NPAS3: variants seen among roughly 807,000 people sequenced by gnomAD.
NPAS3 encodes neuronal PAS domain protein 3, also known as neuronal PAS domain-containing protein 3.
NPAS3 carries 14 observed loss-of-function variants against 73.1 expected under a neutral mutation model. The ratio of observed to expected loss-of-function variants is 0.19; its 90% CI spans 0.13 to 0.30. The LOEUF is 0.30. Ranked by LOEUF, NPAS3 falls within the 10% of genes least tolerant of loss-of-function variation. The pLI, the probability that NPAS3 is intolerant of heterozygous loss-of-function variation, is 1.00. For missense variants in NPAS3, 1,096 were observed against 1,250.0 expected, an observed-to-expected ratio of 0.88 and a Z score of 1.86; for synonymous variants, 620 against 541.5, an observed-to-expected ratio of 1.14 and a Z score of -2.01.
intron 1 of NPAS3, among the ~76,000 whole-genome samples, chr14:33,050,600 G>A (rs1323777331): frequency 6.6e-6 from 1 of 152,166 alleles, no homozygotes; most frequent in African/African-American, 2.4e-5. Context: ...TCTGATAAAT[G>A]TTATATTAAT....
chr14:33,545,161 A>C (rs936260770), intron 4 of NPAS3, among the ~76,000 whole-genome samples: 1 of 152,040 alleles, frequency 6.6e-6, no homozygotes. Flanking sequence ...ATTTTTGACT[A>C]TGATGAAACC....
At chr14:33,050,673 C>A (rs2040672187) in intron 1 of NPAS3, among the ~76,000 whole-genome samples, 1 of 152,218 alleles carries the variant, frequency 6.6e-6, no homozygotes, top group Non-Finnish European at 1.5e-5. Flanking sequence ...CATAGCCTAT[C>A]TACAAGAAGA....
intron 1 of NPAS3, among the ~76,000 whole-genome samples, chr14:32,957,890 T>A (rs2036745730): frequency 6.6e-6 from 1 of 152,202 alleles, no homozygotes; most frequent in African/African-American, 2.4e-5. Flanking sequence ...TCATTATCTC[T>A]GAGATTTTTA....
chr14:33,575,868 TG>T (rs2056412748), intron 5 of NPAS3, among the ~76,000 whole-genome samples: 1 of 152,208 alleles, frequency 6.6e-6, no homozygotes, highest in South Asian at 2.1e-4. Context: ...GTATCAATAC[TG>T]CTTTTCGTTT....
chr14:33,471,514 T>C (rs1366817066), intron 4 of NPAS3, among the ~76,000 whole-genome samples: 1 of 152,146 alleles, frequency 6.6e-6, no homozygotes, highest in Non-Finnish European at 1.5e-5. Context: ...CCCTGGCTCT[T>C]TTACCCATTA....
In NPAS3 at chr14:33,539,823, G is replaced by A. The variant is rs989211596; in HGVS notation, c.469-20298G>A. On this transcript the variant is annotated intron_variant, in intron 4 of 11. Transcript: ENST00000356141. ...TCTTAATATTATGCAGGCTAATAAGGTCACTGTTTGGGGGGTTTGTCTTTG... is the reference window on the plus strand; with the variant it reads ...TCTTAATATTATGCAGGCTAATAAGATCACTGTTTGGGGGGTTTGTCTTTG... Among the ~76,000 whole-genome samples, 9 of 152,038 alleles carry A rather than the reference G, an allele frequency of 5.9e-5. No homozygotes were observed. The East Asian group carries it at 1.7e-3, about 29-fold the overall frequency.
chr14:33,509,141 T>C (rs1421088280), intron 4 of NPAS3, among the ~76,000 whole-genome samples: 1 of 151,998 alleles, frequency 6.6e-6, no homozygotes, highest in African/African-American at 2.4e-5. Flanking sequence ...ATTAGCATTA[T>C]GATTTCTGTT....
In NPAS3 at chr14:33,547,224, C is replaced by T. The variant is rs141584143; in HGVS notation, c.469-12897C>T. 5.2e-3 allele frequency among the ~76,000 whole-genome samples: 788 copies of T among 152,242 alleles called. 7 individuals carry two copies. Among genetic ancestry groups the T allele is most frequent in the Non-Finnish European group, 8.8e-3 (596 of 68,026 alleles). On this transcript the variant is annotated intron_variant, in intron 4 of 11. Coordinates refer to ENST00000356141, the Ensembl canonical transcript of NPAS3. ...GGGGAAGTCACTTTTCAGGCTGTGA[C>T]ACATTTAAGTAGAAATTAAAGTAGG... is the stretch of plus-strand genomic sequence containing the variant.
intron 2 of NPAS3, among the ~76,000 whole-genome samples, chr14:33,119,526 T>C (rs1456636684): frequency 6.6e-6 from 1 of 152,106 alleles, no homozygotes; most frequent in Non-Finnish European, 1.5e-5. Flanking sequence ...TGTTTAGTCT[T>C]GATTTGTACT....
At chr14:33,323,932 GT>G (rs1190501185) in intron 3 of NPAS3, among the ~76,000 whole-genome samples, 3 of 152,162 alleles carry the variant, frequency 2.0e-5, no homozygotes, top group Non-Finnish European at 4.4e-5. Context: ...TTCCCACTCT[GT>G]TTTTTGTAAT....
intron 4 of NPAS3, among the ~76,000 whole-genome samples, chr14:33,438,066 AAAT>A (rs1361933045): frequency 6.6e-6 from 1 of 152,226 alleles, no homozygotes; most frequent in African/African-American, 2.4e-5. Flanking sequence ...CGCGTTTGGA[AAAT>A]AATATATGTA....
chr14:33,256,163 T>C lies in NPAS3; in HGVS notation c.385+40737T>C, dbSNP rs185035571. Reference sequence around the variant, plus strand: ...AAAGCCTGACCACCAAAGTTGTAGTTTCGTGTAAGAGAACCGGTGTTAAAA... The same window carrying C: ...AAAGCCTGACCACCAAAGTTGTAGTCTCGTGTAAGAGAACCGGTGTTAAAA... On this transcript the variant is annotated intron_variant, in intron 3 of 11. Transcript: ENST00000356141. Among the ~76,000 whole-genome samples the C allele has an allele frequency of 1.8e-4, 27 of 152,328 alleles. 1 individual carries two copies. The highest frequency in any genetic ancestry group is 1.7e-3 in the Admixed American group (26 of 15,302).
intron 2 of NPAS3, among the ~76,000 whole-genome samples, chr14:33,133,922 T>G (rs967398886): frequency 6.6e-6 from 1 of 152,192 alleles, no homozygotes; most frequent in Non-Finnish European, 1.5e-5. Context: ...GTACATTAGG[T>G]GAAGGCATTA....
chr14:33,711,345 CT>C (rs1227726518), intron 6 of NPAS3, among the ~76,000 whole-genome samples: 1 of 152,112 alleles, frequency 6.6e-6, no homozygotes, highest in African/African-American at 2.4e-5. Flanking sequence ...GTTAAGATTT[CT>C]GATACGCACG....
At chr14:33,199,542 T>C (rs8013268) in intron 2 of NPAS3, among the ~76,000 whole-genome samples, 32,067 of 152,036 alleles carry the variant, frequency 0.21, 3,808 homozygotes, top group South Asian at 0.38. Context: ...TGCTCACTAG[T>C]ACCACCTCCA....
At chr14:33,202,741 G>T (rs1208449718) in intron 2 of NPAS3, among the ~76,000 whole-genome samples, 2 of 148,578 alleles carry the variant, frequency 1.3e-5, no homozygotes, top group Admixed American at 6.7e-5. Context: ...CCACCCACAT[G>T]TATGATTTCT....
intron 1 of NPAS3, among the ~76,000 whole-genome samples, chr14:32,944,565 TC>T (rs527847317): frequency 8.9e-4 from 135 of 152,234 alleles, no homozygotes; most frequent in African/African-American, 3.0e-3. Context: ...TGGCCTTTTT[TC>T]CCCCCTCATT....
At chr14:33,603,946 G>T (rs186389132) in intron 5 of NPAS3, among the ~76,000 whole-genome samples, 1 of 151,850 alleles carries the variant, frequency 6.6e-6, no homozygotes, top group South Asian at 2.1e-4. Context: ...TATGAGAACC[G>T]GTATGCTATC....
At chr14:33,244,550 G>A (rs1243031183) in intron 3 of NPAS3, among the ~76,000 whole-genome samples, 1 of 150,916 alleles carries the variant, frequency 6.6e-6, no homozygotes, top group South Asian at 2.1e-4. Context: ...AATTTTTTTG[G>A]TAGCTTGCTT....
Sources: gnomAD v4.1 joint callset for allele counts (sites outside exome capture counted in the v4.1 genomes callset) on GRCh38, gnomAD v4.1.1 for gene constraint, MANE v1.5 for transcripts, NCBI Gene and HGNC (gene_info 2026-07-23, HGNC 2026-07-21) for gene names.